The following ABCC8 variants were observed in gnomAD, a reference collection of about 807,000 sequenced individuals.
ABCC8 encodes the protein ATP binding cassette subfamily C member 8.
In ABCC8, 137 loss-of-function variants were observed where a neutral mutation model predicts 188.0. The observed-to-expected ratio is 0.73, with a 90% CI of 0.63 to 0.84. The LOEUF is 0.84. Ranked by LOEUF, ABCC8 falls within the 40% of genes least tolerant of loss-of-function variation. The probability of loss-of-function intolerance (pLI) is 0.00; values close to 1 mark genes in which losing one functional copy is unlikely to be tolerated. For missense variants in ABCC8, 1,750 were observed against 2,072.7 expected (o/e 0.84, Z 3.02); for synonymous variants, 797 against 846.5 (o/e 0.94, Z 1.01).
rs1208757590 is a variant in ABCC8, at chr11:17,393,389, C to T, written c.4609-261G>A. ...AAGGCTCAGAGACCCTCCACAACCC[C>T]TCCCCCACTTCCTATGGAGAAGTAA... On this transcript the variant is annotated intron_variant, in intron 38 of 38. Coordinates refer to ENST00000389817, the MANE Select transcript of ABCC8 (RefSeq NM_000352.6). 3.3e-5 allele frequency among the ~76,000 whole-genome samples: 5 copies of T among 152,340 alleles called. No homozygotes were observed. The East Asian group carries it at 9.6e-4, about 29-fold the overall frequency.
intron 21 of ABCC8, among the ~76,000 whole-genome samples, chr11:17,412,216 T>A (rs549745710): frequency 6.6e-6 from 1 of 152,292 alleles, no homozygotes; most frequent in African/African-American, 2.4e-5. Context: ...GTTTGATGGC[T>A]AGTGGTTACC....
intron 16 of ABCC8, among the ~76,000 whole-genome samples, chr11:17,420,600 A>G (rs1235857383): frequency 6.6e-6 from 1 of 152,112 alleles, no homozygotes; most frequent in Non-Finnish European, 1.5e-5. Flanking sequence ...CTGGGGAATC[A>G]GGGCTCTTGG....
rs1303907676 is a variant in ABCC8 at position 17,417,002 on chromosome 11, T to C, written c.2223-40A>G. The C allele has an allele frequency of 1.9e-6, 3 of 1,613,694 alleles. No homozygotes were observed. The African/African-American group carries it at 4.0e-5, about 22-fold the overall frequency. The stretch of plus-strand genomic sequence containing the variant: ...ATGGGACAGACCAACACCAGTTAGT[T>C]CCCACCCCATTGCCTTTCCATCACG... On this transcript the variant is annotated intron_variant, in intron 16 of 38. Transcript: ENST00000389817.
chr11:17,398,794 G>C (rs1308177827), intron 29 of ABCC8, among the ~76,000 whole-genome samples: 3 of 152,080 alleles, frequency 2.0e-5, no homozygotes, highest in Non-Finnish European at 4.4e-5. Flanking sequence ...CTCTCTAAAA[G>C]AGTCCTTGCC....
Position 17,407,026 on chromosome 11 carries a change from G to A in ABCC8, c.3024C>T (p.Gly1008=). Residue 1008 remains glycine, a synonymous_variant, in exon 25 of 39, where the codon GGC becomes GGT. Transcript: ENST00000389817. ...AGACCAGCAACGACAGGAGCAGGATGCCGGCGGAGGACAGGTACTTGGCGC... is the reference window on the plus strand; with the variant it reads ...AGACCAGCAACGACAGGAGCAGGATACCGGCGGAGGACAGGTACTTGGCGC... The part of the protein sequence containing the change: ...RACAKYLSSA[G]ILLLSLLVFS... The A allele has an allele frequency of 6.2e-7, 1 of 1,614,194 alleles. No individual in the cohort carries two copies. The highest frequency in any genetic ancestry group is 8.5e-7 in the Non-Finnish European group (1 of 1,180,048).
chr11:17,440,373 C>T (rs1210569362), intron 10 of ABCC8, among the ~76,000 whole-genome samples: 2 of 152,160 alleles, frequency 1.3e-5, no homozygotes, highest in Non-Finnish European at 2.9e-5. Context: ...AACCAGCCTC[C>T]AGGGGCAGGC....
rs59429099 is a variant in ABCC8, at chr11:17,434,671, G to A, written c.1631-2427C>T. ...TCTACTGCACATTTTCCCTGGTCATGGTTTTTTTAATTTAATTTTTTTCAA... is the reference window on the plus strand; with the variant it reads ...TCTACTGCACATTTTCCCTGGTCATAGTTTTTTTAATTTAATTTTTTTCAA... On this transcript the variant is annotated intron_variant, in intron 10 of 38. Coordinates refer to ENST00000389817, the MANE Select transcript of ABCC8 (RefSeq NM_000352.6). Among the ~76,000 whole-genome samples the A allele has an allele frequency of 0.016, 2,419 of 152,020 alleles. 198 individuals are homozygous for A. In the East Asian group the frequency reaches 0.26, roughly 16 times the overall value.
chr11:17,409,719 G>T (rs938688960), intron 22 of ABCC8, among the ~76,000 whole-genome samples: 1 of 152,148 alleles, frequency 6.6e-6, no homozygotes, highest in Non-Finnish European at 1.5e-5. Context: ...GAGTAGGCAA[G>T]ACCTAGAGTT....
At chr11:17,423,753 AG>A (rs765569234) in intron 16 of ABCC8, among the ~76,000 whole-genome samples, 1 of 152,186 alleles carries the variant, frequency 6.6e-6, no homozygotes, top group Non-Finnish European at 1.5e-5. Flanking sequence ...GGGAGGAGGC[AG>A]GTGTGTGTGA....
At chr11:17,471,875 C>T (rs1004182319) in intron 2 of ABCC8, among the ~76,000 whole-genome samples, 3 of 152,188 alleles carry the variant, frequency 2.0e-5, no homozygotes, top group Non-Finnish European at 4.4e-5. Context: ...TATTGATATT[C>T]TTTAGTGAAT....
intron 16 of ABCC8, among the ~76,000 whole-genome samples, chr11:17,424,696 G>A (rs996631309): frequency 2.6e-5 from 4 of 152,202 alleles, no homozygotes; most frequent in African/African-American, 4.8e-5. Flanking sequence ...TTCTGGAAAA[G>A]CCCTGCCTTG....
chr11:17,472,457 G>A (rs1456999678), intron 2 of ABCC8, among the ~76,000 whole-genome samples: 1 of 152,172 alleles, frequency 6.6e-6, no homozygotes, highest in Non-Finnish European at 1.5e-5. Context: ...CACTAAATGA[G>A]GCTCACTCTA....
chr11:17,405,298 T>G (rs988558121), intron 27 of ABCC8, among the ~76,000 whole-genome samples, 196 bp downstream of exon 27: 1 of 152,244 alleles, frequency 6.6e-6, no homozygotes, highest in Admixed American at 6.5e-5. Context: ...GGATCTGGTT[T>G]CCCTCAGCCT....
intron 6 of ABCC8, among the ~76,000 whole-genome samples, chr11:17,458,956 G>T (rs1957091629): frequency 6.6e-6 from 1 of 152,146 alleles, no homozygotes; most frequent in African/African-American, 2.4e-5. Context: ...TCTCCTCACT[G>T]TTGGATTTCA....
chr11:17,457,243 A>C (rs61019394), intron 6 of ABCC8, among the ~76,000 whole-genome samples: 10,900 of 152,228 alleles, frequency 0.072, 1,346 homozygotes, highest in African/African-American at 0.25. Context: ...CAAATATGGC[A>C]ATCCAAACGG....
At chr11:17,411,891 CT>C (rs1262103548) in intron 21 of ABCC8, among the ~76,000 whole-genome samples, 5,285 of 122,924 alleles carry the variant, frequency 0.043, 122 homozygotes, top group African/African-American at 0.1. Flanking sequence ...CGAATACGTT[CT>C]TTTTTTTTTT....
Position 17,406,747 on chromosome 11 carries a change from C to T in ABCC8, c.3204G>A (p.Thr1068=), listed in dbSNP as rs760793070. Residue 1068 remains threonine (T), a synonymous_variant, in exon 26 of 39, where the codon ACG becomes ACA. Transcript: ENST00000389817. The part of the protein sequence containing the change: ...LDQTVYAMVF[T]VLCSLGIVLC... ...GCACAATGCCCAGGCTGCAGAGCACCGTGAACACCATGGCATAGACAGTCT... is the reference window on the plus strand; with the variant it reads ...GCACAATGCCCAGGCTGCAGAGCACTGTGAACACCATGGCATAGACAGTCT... The T allele has an allele frequency of 6.8e-6, 11 of 1,614,206 alleles. No homozygotes were observed. Among genetic ancestry groups the T allele is most frequent in the East Asian group, 6.7e-5 (3 of 44,882 alleles).
chr11:17,439,821 C>T (rs943149022), intron 10 of ABCC8, among the ~76,000 whole-genome samples: 1 of 152,140 alleles, frequency 6.6e-6, no homozygotes, highest in African/African-American at 2.4e-5. Context: ...GGCTCCAGAG[C>T]CCCTTTTTTC....
chr11:17,394,520 T>C (rs1433642882), intron 36 of ABCC8, 121 bp from the exon 37 acceptor site: 31 of 1,531,426 alleles, frequency 2.0e-5, no homozygotes, highest in Non-Finnish European at 2.6e-5. Flanking sequence ...GGTGGGTGTG[T>C]GTCCAAGAGC....
Sources: allele counts gnomAD v4.1 joint callset (sites outside exome capture counted in the v4.1 genomes callset), GRCh38; gene constraint gnomAD v4.1.1; transcripts MANE v1.5; gene names NCBI Gene and HGNC (gene_info 2026-07-23, HGNC 2026-07-21).